The following CPS1 variants were observed in gnomAD, a reference collection of about 807,000 sequenced individuals.
CPS1 encodes carbamoyl-phosphate synthase [ammonia], mitochondrial.
A neutral mutation model predicts 174.6 loss-of-function variants in CPS1; 109 were observed. That is an observed-to-expected ratio of 0.62 (90% CI 0.53 to 0.73). The LOEUF (loss-of-function observed/expected upper bound fraction) is 0.73, where lower values mean the gene tolerates loss of function less well. CPS1 is among the 30% of genes least tolerant of loss of function. The pLI, the probability that CPS1 is intolerant of heterozygous loss-of-function variation, is 0.00. For missense variants in CPS1, 1,689 were observed against 1,821.9 expected, an observed-to-expected ratio of 0.93 and a Z score of 1.33; for synonymous variants, 637 against 632.0, an observed-to-expected ratio of 1.01 and a Z score of -0.12.
At chr2:210,554,174 T>A, upstream of CPS1, among the ~76,000 whole-genome samples, 1 of 128,144 alleles carries the variant, frequency 7.8e-6, no homozygotes, top group East Asian at 2.2e-4. Flanking sequence ...TACATATGTA[T>A]GTATATATAC....
At chr2:210,608,106 T>C (rs1353242302) in intron 18 of CPS1, among the ~76,000 whole-genome samples, 1 of 151,778 alleles carries the variant, frequency 6.6e-6, no homozygotes, top group Non-Finnish European at 1.5e-5. Context: ...GTTGAAGAGG[T>C]GAAGGTTGAG....
intron 1 of CPS1, among the ~76,000 whole-genome samples, chr2:210,501,396 T>C (rs1303518448): frequency 6.6e-6 from 1 of 152,214 alleles, no homozygotes; most frequent in African/African-American, 2.4e-5. Context: ...CAAACTTTTA[T>C]GCTCTGCTTC....
At chr2:210,591,774 T>C in intron 9 of CPS1, 57 bp from the exon 10 acceptor site, 2 of 1,568,720 alleles carry the variant, frequency 1.3e-6, no homozygotes, top group Non-Finnish European at 8.8e-7. Context: ...AGGAATACAT[T>C]TATATTATTC....
intron 1 of CPS1, among the ~76,000 whole-genome samples, chr2:210,482,065 G>A (rs1694584016): frequency 1.3e-5 from 2 of 152,194 alleles, no homozygotes; most frequent in African/African-American, 4.8e-5. Context: ...TTTGGAACTA[G>A]CTGAGAAAGG....
At chr2:210,527,678 ATTAT>A (rs1179887284) in intron 1 of CPS1, among the ~76,000 whole-genome samples, 1 of 151,958 alleles carries the variant, frequency 6.6e-6, no homozygotes, top group South Asian at 2.1e-4. Flanking sequence ...ATATTAATAA[ATTAT>A]TTGTTATTGT....
chr2:210,537,993 C>G (rs1696303695), intron 1 of CPS1, among the ~76,000 whole-genome samples: 1 of 152,160 alleles, frequency 6.6e-6, no homozygotes, highest in South Asian at 2.1e-4. Context: ...CTCTTAACTG[C>G]ATTTTTCTGG....
intron 20 of CPS1, 87 bp from the exon 21 acceptor site, chr2:210,616,336 C>G: frequency 1.1e-6 from 1 of 880,322 alleles, no homozygotes; most frequent in Non-Finnish European, 1.9e-6. Context: ...AAATAACACA[C>G]AGAGGCATGA....
rs368312367 is a variant in CPS1 at position 210,650,267 on chromosome 2, G to A, written c.3405-96G>A. 250 of 1,001,142 alleles carry A rather than the reference G, an allele frequency of 2.5e-4. 3 individuals are homozygous for A. The African/African-American group carries it at 3.2e-3, about 13-fold the overall frequency. 62.0% of individuals were successfully genotyped at this position (1,001,142 alleles called of 1,614,324 possible). On this transcript the variant is annotated intron_variant, in intron 27 of 37. Transcript: ENST00000233072. ...AAGAGGCACCTTCTTATTCAGCCCC[G>A]ACTGGAACTATAGGTTGTCTGGAAC...
intron 21 of CPS1, among the ~76,000 whole-genome samples, chr2:210,630,093 A>G (rs1699821402): frequency 1.6e-5 from 1 of 64,314 alleles, no homozygotes; most frequent in South Asian, 5.7e-4. Flanking sequence ...AAAACAAAAC[A>G]AAAAAAAAAA....
At position 210,556,766 on chromosome 2, in the gene CPS1, G is replaced by T; in HGVS notation, c.33G>T (p.Val11=). 6.2e-7 allele frequency: 1 copy of T among 1,613,062 alleles called. No individual in the cohort carries two copies. Among genetic ancestry groups the T allele is most frequent in the Non-Finnish European group, 8.5e-7 (1 of 1,179,322 alleles). The change falls in exon 1 of 38, where the codon GTG becomes GTT. Residue 11 remains valine, a synonymous_variant. Transcript: ENST00000233072. MTRILTAFKV[V]RTLKTGFGFT... ...GGATTTTGACAGCTTTCAAAGTGGT[G>T]AGGACACTGAAGACTGGTTTTGGCT...
chr2:210,499,333 C>G (rs1031711558), intron 1 of CPS1, among the ~76,000 whole-genome samples: 2 of 152,132 alleles, frequency 1.3e-5, no homozygotes, highest in Non-Finnish European at 2.9e-5. Context: ...TGTTCTATGT[C>G]TCCAAGCTGG....
intron 1 of CPS1, among the ~76,000 whole-genome samples, chr2:210,512,108 G>A (rs1169872771): frequency 6.6e-6 from 1 of 152,048 alleles, no homozygotes; most frequent in Non-Finnish European, 1.5e-5. Flanking sequence ...ACATTTCAGA[G>A]AATGACAAAA....
intron 27 of CPS1, among the ~76,000 whole-genome samples, chr2:210,650,040 G>A (rs1399208119): frequency 1.3e-5 from 2 of 152,156 alleles, no homozygotes; most frequent in African/African-American, 4.8e-5. Flanking sequence ...GAATTACCTG[G>A]AACCAGCAGA....
intron 24 of CPS1, 64 bp from the exon 25 acceptor site, chr2:210,642,420 C>T: frequency 1.9e-6 from 3 of 1,579,202 alleles, no homozygotes; most frequent in South Asian, 1.1e-5. Context: ...TACATTTCTG[C>T]TTCTCTTTGT....
At chr2:210,555,554 A>G (rs924903041), upstream of CPS1, 7 of 448,064 alleles carry the variant, frequency 1.6e-5, no homozygotes, top group Admixed American at 7.1e-5. Context: ...GTTCCTCTTT[A>G]AAAAAATCCT....
intron 7 of CPS1, among the ~76,000 whole-genome samples, chr2:210,588,856 C>T (rs1698194125): frequency 6.6e-6 from 1 of 152,050 alleles, no homozygotes; most frequent in South Asian, 2.1e-4. Context: ...AAATTCTTGT[C>T]AATTTTATTA....
At position 210,577,460 on chromosome 2, in the gene CPS1, A is replaced by C; in HGVS notation, c.421A>C (p.Asn141His). The part of the protein sequence containing the change: ...LLVLDYSKDY[N>H]HWLATKSLGQ... ...GGTGCTGGATTATAGTAAAGACTAC[A>C]ACCACTGGCTGGCTACCAAGAGTTT... The change falls in exon 4 of 38, where the codon AAC (asparagine) becomes CAC (histidine). Residue 141 changes from asparagine (N) to histidine (H), a missense_variant. Coordinates refer to ENST00000233072, the MANE Select transcript of CPS1 (RefSeq NM_001875.5). The C allele has an allele frequency of 6.2e-7, 1 of 1,613,934 alleles. No individual in the cohort carries two copies. Among genetic ancestry groups the C allele is most frequent in the East Asian group, 2.2e-5 (1 of 44,854 alleles).
At chr2:210,505,208 T>C (rs1162539414) in intron 1 of CPS1, among the ~76,000 whole-genome samples, 4 of 151,828 alleles carry the variant, frequency 2.6e-5, no homozygotes, top group East Asian at 2.0e-4. Context: ...CATCCTATAA[T>C]TAGGGCTCTG....
chr2:210,630,251 G>T (rs1428360050), intron 21 of CPS1, among the ~76,000 whole-genome samples: 1 of 152,070 alleles, frequency 6.6e-6, no homozygotes, highest in Non-Finnish European at 1.5e-5. Context: ...GGCTTTACCA[G>T]ATTAAGAGTA....
Sources: gnomAD v4.1 joint callset for allele counts (sites outside exome capture counted in the v4.1 genomes callset) on GRCh38, gnomAD v4.1.1 for gene constraint, MANE v1.5 for transcripts, NCBI Gene and HGNC (gene_info 2026-07-23, HGNC 2026-07-21) for gene names.